ZBTB20: variants seen among roughly 807,000 people sequenced by gnomAD.
ZBTB20 encodes the protein zinc finger and BTB domain containing 20, also known as zinc finger and BTB domain-containing protein 20.
Under a neutral mutation model 56.9 loss-of-function variants are expected in ZBTB20, and 9 were observed. That is an observed-to-expected ratio of 0.16 (90% CI 0.10 to 0.28). The LOEUF (loss-of-function observed/expected upper bound fraction) is 0.28. Ranked by LOEUF, ZBTB20 falls within the 10% of genes least tolerant of loss-of-function variation. The pLI, the probability that ZBTB20 is intolerant of heterozygous loss-of-function variation, is 1.00. For missense variants in ZBTB20, 655 were observed against 1,003.0 expected, an observed-to-expected ratio of 0.65 and a Z score of 4.69; for synonymous variants, 417 against 420.7, an observed-to-expected ratio of 0.99 and a Z score of 0.11.
At chr3:114,534,084 TG>T (rs2048172564) in intron 6 of ZBTB20, among the ~76,000 whole-genome samples, 2 of 152,120 alleles carry the variant, frequency 1.3e-5, no homozygotes, top group East Asian at 3.9e-4. Flanking sequence ...CATCAACTAA[TG>T]GGCAACATTA....
At chr3:114,751,944 C>T (rs984270944) in intron 5 of ZBTB20, among the ~76,000 whole-genome samples, 11 of 151,970 alleles carry the variant, frequency 7.2e-5, no homozygotes, top group African/African-American at 2.7e-4. Flanking sequence ...TGGAGTTGTA[C>T]TGGACAAAAT....
At chr3:114,595,801 C>T (rs1020898733) in intron 6 of ZBTB20, among the ~76,000 whole-genome samples, 1 of 152,152 alleles carries the variant, frequency 6.6e-6, no homozygotes, top group Non-Finnish European at 1.5e-5. Flanking sequence ...ATTCTTGTCA[C>T]AAGATACGGT....
At chr3:115,069,411 G>A (rs764144224) in intron 2 of ZBTB20, among the ~76,000 whole-genome samples, 2 of 152,112 alleles carry the variant, frequency 1.3e-5, no homozygotes, top group Non-Finnish European at 2.9e-5. Flanking sequence ...GGTGAGTACT[G>A]TGTAAGCATT....
At chr3:114,905,958 C>T (rs2075301939) in intron 3 of ZBTB20, among the ~76,000 whole-genome samples, 2 of 151,806 alleles carry the variant, frequency 1.3e-5, no homozygotes, top group African/African-American at 2.4e-5. Context: ...CTTCTTCTAG[C>T]TATAGTTCCT....
chr3:114,544,371 T>C (rs1300848803), intron 6 of ZBTB20, among the ~76,000 whole-genome samples: 2 of 152,068 alleles, frequency 1.3e-5, no homozygotes, highest in African/African-American at 4.8e-5. Flanking sequence ...CTAACACCAA[T>C]AAAATTACCT....
chr3:114,787,368 T>TATATATATATACACAC (rs1433434685), intron 5 of ZBTB20, among the ~76,000 whole-genome samples: 2 of 106,314 alleles, frequency 1.9e-5, no homozygotes, highest in African/African-American at 9.1e-5. Flanking sequence ...TATATATATA[T>TATATATATATACACAC]ACACACACAC....
chr3:114,932,798 C>T (rs1207531664), intron 3 of ZBTB20, among the ~76,000 whole-genome samples: 1 of 150,806 alleles, frequency 6.6e-6, no homozygotes, highest in African/African-American at 2.5e-5. Context: ...CAAAGCCTTG[C>T]TCTAGCATGC....
chr3:115,088,222 T>C lies in ZBTB20; in HGVS notation c.-702-16808A>G, dbSNP rs528643092. Among the ~76,000 whole-genome samples, 3 of 151,986 alleles carry C rather than the reference T, an allele frequency of 2.0e-5. No individual in the cohort carries two copies. The South Asian group carries it at 6.2e-4, about 31-fold the overall frequency. Reference sequence around the variant, plus strand: ...AAAATCATGTTTTAATTTCTACATCTGAAAAAGGAGTATAGGTAAAGTTCT... The same window carrying C: ...AAAATCATGTTTTAATTTCTACATCCGAAAAAGGAGTATAGGTAAAGTTCT... On this transcript the variant is annotated intron_variant, in intron 1 of 11. Transcript: ENST00000675478.
chr3:114,587,235 G>C (rs918179558), intron 6 of ZBTB20, among the ~76,000 whole-genome samples: 2 of 151,982 alleles, frequency 1.3e-5, no homozygotes, highest in Admixed American at 6.6e-5. Flanking sequence ...GACTACAGGT[G>C]ATCTGCCCAC....
At chr3:114,585,351 T>G (rs2055071326) in intron 6 of ZBTB20, among the ~76,000 whole-genome samples, 1 of 152,134 alleles carries the variant, frequency 6.6e-6, no homozygotes, top group Non-Finnish European at 1.5e-5. Flanking sequence ...AGGAGGAGGT[T>G]AAGGGAAGCT....
chr3:114,964,804 T>A (rs951385605), intron 3 of ZBTB20, among the ~76,000 whole-genome samples: 1 of 152,126 alleles, frequency 6.6e-6, no homozygotes, highest in Non-Finnish European at 1.5e-5. Flanking sequence ...TTATGTAATA[T>A]GAGGGATAGG....
intron 6 of ZBTB20, among the ~76,000 whole-genome samples, chr3:114,604,652 C>T (rs2057008219): frequency 6.6e-6 from 1 of 152,008 alleles, no homozygotes; most frequent in African/African-American, 2.4e-5. Context: ...GCTACCGGTG[C>T]AGCCAATATC....
At chr3:114,976,470 C>CA (rs1205846084) in intron 2 of ZBTB20, among the ~76,000 whole-genome samples, 6 of 151,836 alleles carry the variant, frequency 4.0e-5, no homozygotes, top group Admixed American at 6.6e-5. Flanking sequence ...TACTAAAATA[C>CA]AAAAAATTAG....
At chr3:114,801,953 A>T (rs987549458) in intron 4 of ZBTB20, among the ~76,000 whole-genome samples, 7 of 151,896 alleles carry the variant, frequency 4.6e-5, no homozygotes, top group African/African-American at 7.2e-5. Context: ...CTCCAAGTAT[A>T]TAATAAATAT....
chr3:114,759,403 T>C (rs1362703072), intron 5 of ZBTB20: 1 of 152,176 alleles, frequency 6.6e-6, no homozygotes, highest in Non-Finnish European at 1.5e-5. Context: ...CTCAGTTGAA[T>C]TACCACGTTA....
chr3:114,631,739 T>C (rs2058966721), intron 6 of ZBTB20, among the ~76,000 whole-genome samples: 1 of 152,170 alleles, frequency 6.6e-6, no homozygotes, highest in South Asian at 2.1e-4. Context: ...AAATTTTTTC[T>C]TATGATTCTG....
Position 114,333,555 on chromosome 3 carries a change from A to G in ZBTB20, c.*5450T>C, listed in dbSNP as rs1467183001. ...TTCATGCACTGCAGGCTCAGGAGGC[A>G]TTGGGTTGCTTTGCTTTTTCTATGG... is the stretch of plus-strand genomic sequence containing the variant. On this transcript the variant is annotated 3_prime_UTR_variant, in exon 12 of 12. Coordinates refer to ENST00000675478, the MANE Select transcript of ZBTB20 (RefSeq NM_001348800.3). 1 of 152,232 alleles carries G rather than the reference A, an allele frequency of 6.6e-6. No homozygotes were observed. Among genetic ancestry groups the G allele is most frequent in the Non-Finnish European group, 1.5e-5 (1 of 68,064 alleles). 9.4% of individuals were successfully genotyped at this position (152,232 alleles called of 1,614,324 possible).
intron 11 of ZBTB20, among the ~76,000 whole-genome samples, chr3:114,340,734 A>C (rs1283575329): frequency 6.6e-6 from 1 of 152,194 alleles, no homozygotes; most frequent in Non-Finnish European, 1.5e-5. Context: ...CACCTCAGAG[A>C]AAAAAGTCCT....
intron 7 of ZBTB20, among the ~76,000 whole-genome samples, chr3:114,399,104 C>T (rs552347326): frequency 1.8e-4 from 28 of 152,044 alleles, no homozygotes; most frequent in Non-Finnish European, 3.5e-4. Flanking sequence ...TCAGCAGGTT[C>T]CCTAACAGTG....
Sources: allele counts gnomAD v4.1 joint callset (sites outside exome capture counted in the v4.1 genomes callset), GRCh38; gene constraint gnomAD v4.1.1; transcripts MANE v1.5; gene names NCBI Gene and HGNC (gene_info 2026-07-23, HGNC 2026-07-21).